The following MAPK8 variants were observed in gnomAD, a reference collection of about 807,000 sequenced individuals.
The protein encoded by MAPK8 is mitogen-activated protein kinase 8, also known as JUN N-terminal kinase.
A neutral mutation model predicts 52.9 loss-of-function variants in MAPK8; 13 were observed. The observed-to-expected ratio is 0.25, with a 90% CI of 0.16 to 0.39. The LOEUF is 0.39. Ranked by LOEUF, MAPK8 falls within the 10% of genes least tolerant of loss-of-function variation. The pLI, the probability that MAPK8 is intolerant of heterozygous loss-of-function variation, is 1.00. For missense variants in MAPK8, 300 were observed against 519.2 expected (o/e 0.58, Z 4.10); for synonymous variants, 191 against 169.8 (o/e 1.12, Z -0.97).
intron 10 of MAPK8, chr10:48,430,954 A>G: frequency 1.9e-6 from 1 of 525,206 alleles, no homozygotes; most frequent in Non-Finnish European, 3.4e-6. Flanking sequence ...AACCAACTTC[A>G]GAAACAGTGA....
chr10:48,338,905 T>C (rs1844962778), intron 1 of MAPK8, among the ~76,000 whole-genome samples: 1 of 152,018 alleles, frequency 6.6e-6, no homozygotes, highest in Non-Finnish European at 1.5e-5. Context: ...TACAAAGAAC[T>C]GTAAAACACT....
intron 1 of MAPK8, among the ~76,000 whole-genome samples, chr10:48,374,572 C>T (rs901236268): frequency 4.6e-5 from 7 of 152,134 alleles, no homozygotes; most frequent in African/African-American, 1.7e-4. Context: ...ACTGATCCCA[C>T]AGAAATACCA....
intron 1 of MAPK8, among the ~76,000 whole-genome samples, chr10:48,346,604 C>T (rs543429018): frequency 2.0e-5 from 3 of 152,246 alleles, no homozygotes; most frequent in African/African-American, 7.2e-5. Flanking sequence ...TGCTCCTCCA[C>T]CTCTTGTGGA....
At chr10:48,426,129 G>T (rs2043666380) in intron 8 of MAPK8, 59 bp downstream of exon 8, 2 of 1,406,620 alleles carry the variant, frequency 1.4e-6, no homozygotes, top group Non-Finnish European at 9.7e-7. Flanking sequence ...TGTGTGTATG[G>T]GTTTGTGTGT....
At chr10:48,426,281 T>C (rs1019340951) in intron 8 of MAPK8, 99 bp from the exon 9 acceptor site, 1 of 1,082,416 alleles carries the variant, frequency 9.2e-7, no homozygotes, top group African/African-American at 1.7e-5. Context: ...GTAATATTTT[T>C]AAAACATATG....
At chr10:48,420,012 CGAT>C (rs776270960) in intron 5 of MAPK8, 140 bp from the exon 6 acceptor site, 147 of 510,136 alleles carry the variant, frequency 2.9e-4, no homozygotes, top group Non-Finnish European at 3.6e-4. Context: ...TGCCTTTTAA[CGAT>C]GAATCAGTGC....
At chr10:48,314,073 G>A (rs969258739) in intron 1 of MAPK8, among the ~76,000 whole-genome samples, 1 of 151,976 alleles carries the variant, frequency 6.6e-6, no homozygotes, top group African/African-American at 2.4e-5. Flanking sequence ...ACTCTGTTTG[G>A]GCTGCTATAT....
chr10:48,342,371 T>A (rs181006052), intron 1 of MAPK8, among the ~76,000 whole-genome samples: 217 of 152,248 alleles, frequency 1.4e-3, no homozygotes, highest in African/African-American at 4.8e-3. Flanking sequence ...TCCAAAAATG[T>A]TGGAATTACA....
At chr10:48,314,733 A>G (rs1213789368) in intron 1 of MAPK8, among the ~76,000 whole-genome samples, 2 of 151,944 alleles carry the variant, frequency 1.3e-5, no homozygotes, top group African/African-American at 2.4e-5. Flanking sequence ...TTTCTTTTGA[A>G]CTGTCCTTGT....
At chr10:48,367,287 G>T (rs747789600) in intron 1 of MAPK8, among the ~76,000 whole-genome samples, 1 of 152,036 alleles carries the variant, frequency 6.6e-6, no homozygotes, top group African/African-American at 2.4e-5. Flanking sequence ...GATTGCTTAA[G>T]CCCAGGAGTT....
intron 1 of MAPK8, among the ~76,000 whole-genome samples, chr10:48,386,728 C>T (rs2041335156): frequency 6.6e-6 from 1 of 152,156 alleles, no homozygotes; most frequent in Admixed American, 6.5e-5. Context: ...CTTTCGGAGG[C>T]CAAGGCAGGA....
At chr10:48,400,406 G>A (rs1014401523) in intron 1 of MAPK8, among the ~76,000 whole-genome samples, 1 of 151,958 alleles carries the variant, frequency 6.6e-6, no homozygotes. Flanking sequence ...ACTCCTTTAG[G>A]CCTAAGACTC....
intron 5 of MAPK8, among the ~76,000 whole-genome samples, chr10:48,410,523 C>T (rs1339960181): frequency 6.6e-6 from 1 of 152,132 alleles, no homozygotes; most frequent in African/African-American, 2.4e-5. Flanking sequence ...TACCATATTT[C>T]GTTCATCCAT....
At chr10:48,431,638 CA>C (rs1390695246) in intron 11 of MAPK8, among the ~76,000 whole-genome samples, 1 of 152,158 alleles carries the variant, frequency 6.6e-6, no homozygotes, top group East Asian at 1.9e-4. Flanking sequence ...AAATTTAGTA[CA>C]TGTAATACCA....
At chr10:48,338,359 T>G (rs906357130) in intron 1 of MAPK8, among the ~76,000 whole-genome samples, 10 of 151,394 alleles carry the variant, frequency 6.6e-5, no homozygotes, top group Non-Finnish European at 1.3e-4. Context: ...AAAACCATAT[T>G]CTTATGCAGT....
At chr10:48,369,110 G>T (rs1848325376) in intron 1 of MAPK8, among the ~76,000 whole-genome samples, 2 of 152,106 alleles carry the variant, frequency 1.3e-5, no homozygotes, top group African/African-American at 2.4e-5. Context: ...TGTGGGCTAG[G>T]CAGAATTCTT....
chr10:48,432,363 GTTATA>G (rs2044376495), intron 11 of MAPK8, among the ~76,000 whole-genome samples: 1 of 152,004 alleles, frequency 6.6e-6, no homozygotes, highest in Admixed American at 6.5e-5. Flanking sequence ...GACATTTTTG[GTTATA>G]TATTTTAGAG....
intron 6 of MAPK8, among the ~76,000 whole-genome samples, chr10:48,423,071 T>A (rs1341648801): frequency 1.3e-5 from 2 of 152,208 alleles, no homozygotes; most frequent in Non-Finnish European, 2.9e-5. Context: ...CATTCTTCCC[T>A]CTTTTCCTGT....
chr10:48,334,263 C>T (rs1195125146), intron 1 of MAPK8, among the ~76,000 whole-genome samples: 1 of 152,208 alleles, frequency 6.6e-6, no homozygotes, highest in Non-Finnish European at 1.5e-5. Context: ...TTCTGTTTCT[C>T]ATTTTCAGTC....
Sources: allele counts gnomAD v4.1 joint callset (sites outside exome capture counted in the v4.1 genomes callset), GRCh38; gene constraint gnomAD v4.1.1; transcripts MANE v1.5; gene names NCBI Gene and HGNC (gene_info 2026-07-23, HGNC 2026-07-21).